Variants in SLC66A2 observed in about 807,000 individuals in gnomAD.
SLC66A2 encodes PQ loop repeat containing 1.
In SLC66A2, 23 loss-of-function variants were observed where a neutral mutation model predicts 25.5. That is an observed-to-expected ratio of 0.90 (90% CI 0.65 to 1.28). The LOEUF is 1.28. Ranked by LOEUF, SLC66A2 falls within the 50% of genes most tolerant of loss-of-function variation. The probability of loss-of-function intolerance (pLI) is 0.00; values close to 1 mark genes in which losing one functional copy is unlikely to be tolerated. For synonymous variants in SLC66A2, 193 were observed against 166.5 expected (o/e 1.16, Z -1.23); for missense variants, 396 against 373.1 (o/e 1.06, Z -0.51).
chr18:79,909,785 C>A (rs1982723965), intron 5 of SLC66A2, among the ~76,000 whole-genome samples: 4 of 138,410 alleles, frequency 2.9e-5, no homozygotes, highest in South Asian at 2.5e-4. Context: ...CCATAGAGTC[C>A]CCAACCTTCC....
intron 2 of SLC66A2, among the ~76,000 whole-genome samples, chr18:79,949,121 C>T (rs1378151458): frequency 2.6e-5 from 4 of 152,172 alleles, no homozygotes; most frequent in Non-Finnish European, 5.9e-5. Context: ...ACCTCCCTGC[C>T]TCAGAGACAA....
intron 5 of SLC66A2, among the ~76,000 whole-genome samples, chr18:79,916,227 CGG>C (rs1984106522): frequency 7.7e-6 from 1 of 129,784 alleles, no homozygotes; most frequent in Non-Finnish European, 1.7e-5. Flanking sequence ...CTTGTACCTG[CGG>C]CACTCCCGTA....
intron 3 of SLC66A2, among the ~76,000 whole-genome samples, chr18:79,936,891 C>T (rs1987145934): frequency 6.6e-6 from 1 of 152,066 alleles, no homozygotes; most frequent in African/African-American, 2.4e-5. Context: ...TTTCAGTAAC[C>T]GGGAGGCCGG....
chr18:79,916,236 CGT>C (rs1984112053), intron 5 of SLC66A2, among the ~76,000 whole-genome samples: 4 of 100,524 alleles, frequency 4.0e-5, no homozygotes, highest in South Asian at 4.5e-4. Flanking sequence ...GCGGCACTCC[CGT>C]ACCCGTGGTG....
rs1981766822 is a variant in SLC66A2 at position 79,904,557 on chromosome 18, G to GAC, written c.609-375_609-374insGT. Among the ~76,000 whole-genome samples, 1 of 152,158 alleles carries GAC rather than the reference G, an allele frequency of 6.6e-6. No individual in the cohort carries two copies. Among genetic ancestry groups the GAC allele is most frequent in the Non-Finnish European group, 1.5e-5 (1 of 68,014 alleles). On this transcript the variant is annotated intron_variant, in intron 5 of 5. Transcript: ENST00000397778. This position sits in a 1 kb window ranked among gnomAD's most constrained non-coding sequence, Gnocchi z 6.3. The stretch of plus-strand genomic sequence containing the variant: ...TCGAGGCTACAGGGGACAGCAGGGC[G>GAC]AGCAGCTGACGTCAGGGCCCCTGGT...
intron 2 of SLC66A2, among the ~76,000 whole-genome samples, chr18:79,944,860 A>G (rs1988029102): frequency 7.0e-6 from 1 of 141,866 alleles, no homozygotes; most frequent in Admixed American, 7.2e-5. Context: ...AGAAGGGGGA[A>G]CCCCGCAGCC....
intron 5 of SLC66A2, among the ~76,000 whole-genome samples, chr18:79,910,534 C>A (rs575292182): frequency 6.6e-6 from 1 of 152,340 alleles, no homozygotes; most frequent in South Asian, 2.1e-4. Context: ...CTAGTTCACT[C>A]TCTTCTAAAT....
chr18:79,949,883 T>G (rs2144999149), intron 2 of SLC66A2: 1 of 152,376 alleles, frequency 6.6e-6, no homozygotes, highest in African/African-American at 2.4e-5. Flanking sequence ...GTTTTTGGCC[T>G]TAGAATGCAG....
In SLC66A2 at chr18:79,904,001, T is replaced by G; in HGVS notation, c.791A>C (p.His264Pro). Residue 264 changes from histidine to proline, a missense_variant, in exon 6 of 6, where the codon CAC becomes CCC. His to Pro is a moderately conservative substitution (Grantham distance 77). Transcript: ENST00000397778. This position sits in a 1 kb window ranked among gnomAD's most constrained non-coding sequence, Gnocchi z 6.3. ...TCAGAGGGCCTTGGTGCCAGTGGGG[T>G]GCACGGCGTGGGGCGCCGGCTTCTG... ...HPQKPAPHAV[H>P]PTGTKAL 1 of 1,603,144 alleles carries G rather than the reference T, an allele frequency of 6.2e-7. No homozygotes were observed.
rs2051130411 is a variant in SLC66A2 at position 79,951,577 on chromosome 18, T to G, written c.-100+4A>C. 6.6e-6 allele frequency: 1 copy of G among 151,408 alleles called. No individual in the cohort carries two copies. The highest frequency in any genetic ancestry group is 2.4e-5 in the African/African-American group (1 of 41,258). The allele number at this position is 151,408 out of a possible 1,614,324, so 9.4% of individuals were successfully genotyped here. A position where few individuals can be genotyped will look rare whatever the true frequency, so the allele number is the denominator to read the frequency against. On this transcript the variant is annotated splice_donor_region_variant and intron_variant, in intron 1 of 5. Coordinates refer to ENST00000397778, the MANE Select transcript of SLC66A2 (RefSeq NM_025078.5). ...GGACCCCGCGCCGCCCCCGCGCTCC[T>G]TACCTGCGCCCCCAGCCCCGCGCCC...
rs1987227050 is a variant in SLC66A2 at position 79,937,582 on chromosome 18, G to C, written c.338-3560C>G. 2.0e-5 allele frequency among the ~76,000 whole-genome samples: 3 copies of C among 152,134 alleles called. No homozygotes were observed. Among genetic ancestry groups the C allele is most frequent in the Admixed American group, 1.3e-4 (2 of 15,264 alleles). On this transcript the variant is annotated intron_variant, in intron 3 of 5. Coordinates refer to ENST00000397778, the MANE Select transcript of SLC66A2 (RefSeq NM_025078.5). The surrounding 1 kb of genome is among the most constrained non-coding windows in gnomAD (Gnocchi z 5.4). ...CTCTGCAGAGGGGCTCCAGCTAACA[G>C]ACAACAAACATCCTGCAGCCCCTGA...
intron 5 of SLC66A2, chr18:79,915,414 T>TCCGAGCCGAC (rs1457319410): frequency 6.6e-6 from 1 of 152,132 alleles, no homozygotes; most frequent in Admixed American, 6.5e-5. Flanking sequence ...ACTCCATCAC[T>TCCGAGCCGAC]CCGAGCCGAC....
rs1984661339 is a variant in SLC66A2 at position 79,919,171 on chromosome 18, ATCCCCGGCCTACCTCATGCCC to A, written c.600_608+12del. On this transcript the variant is annotated splice_donor_variant and splice_donor_5th_base_variant and coding_sequence_variant and intron_variant, in exon 5 of 6. Coordinates refer to ENST00000397778, the MANE Select transcript of SLC66A2 (RefSeq NM_025078.5). LOFTEE classifies it high-confidence loss of function. ...GGAGCAGTGGTGCTTCCGTGGCGGC[ATCCCCGGCCTACCTCATGCCC>A]TCCGTGGACTGGTGGCGGTGGTTGC... 10 of 1,611,324 alleles carry A rather than the reference ATCCCCGGCCTACCTCATGCCC, an allele frequency of 6.2e-6. No individual in the cohort carries two copies. Among genetic ancestry groups the A allele is most frequent in the Non-Finnish European group, 8.5e-6 (10 of 1,178,684 alleles).
intron 1 of SLC66A2, 63 bp from the exon 2 acceptor site, chr18:79,951,088 C>G (rs2051107428): frequency 2.6e-6 from 1 of 390,988 alleles, no homozygotes; most frequent in Non-Finnish European, 4.2e-6. Flanking sequence ...CGCACGGACC[C>G]GACCCGACCC....
chr18:79,946,540 G>T (rs899028323), intron 2 of SLC66A2, among the ~76,000 whole-genome samples: 5 of 152,258 alleles, frequency 3.3e-5, no homozygotes, highest in African/African-American at 9.6e-5. Context: ...GAAGCACCAA[G>T]ATACCTCGTC....
intron 5 of SLC66A2, among the ~76,000 whole-genome samples, chr18:79,906,335 T>C (rs550101923): frequency 5.3e-5 from 8 of 152,356 alleles, no homozygotes; most frequent in African/African-American, 1.9e-4. Flanking sequence ...AGATTGATGA[T>C]TTGAGAACTT....
intron 5 of SLC66A2, among the ~76,000 whole-genome samples, chr18:79,908,398 C>G (rs998588809): frequency 3.3e-5 from 5 of 152,042 alleles, no homozygotes; most frequent in African/African-American, 1.2e-4. Flanking sequence ...CCACTTCCTT[C>G]TGACCTCCCT....
Position 79,950,729 on chromosome 18 carries a change from G to C in SLC66A2, c.198C>G (p.Leu66=). The C allele has an allele frequency of 6.2e-7, 1 of 1,613,100 alleles. No individual in the cohort carries two copies. ...AAAGCAAGCCCCCAACTTACCAGAA[G>C]AGTATCCGCAAAATGTTGGCCACCA... ...VLLVANILRI[L]FWFGRRFESP... is the part of the protein sequence containing the mutation. Residue 66 remains leucine (L), a synonymous_variant, in exon 2 of 6, where the codon CTC becomes CTG. Transcript: ENST00000397778.
At chr18:79,932,776 GA>G (rs1986699338) in intron 4 of SLC66A2, among the ~76,000 whole-genome samples, 1 of 152,092 alleles carries the variant, frequency 6.6e-6, no homozygotes, top group African/African-American at 2.4e-5. Flanking sequence ...CAAAAAATCT[GA>G]ATAGACTTAT....
Sources: allele counts gnomAD v4.1 joint callset (sites outside exome capture counted in the v4.1 genomes callset), GRCh38; gene constraint gnomAD v4.1.1; non-coding constraint Gnocchi (gnomAD v3.1); transcripts MANE v1.5; gene names NCBI Gene and HGNC (gene_info 2026-07-23, HGNC 2026-07-21).